The following CYP4F3 variants were observed in gnomAD, a reference collection of about 807,000 sequenced individuals.
CYP4F3 encodes cytochrome P450 4F3.
A neutral mutation model predicts 54.8 loss-of-function variants in CYP4F3; 50 were observed. The observed-to-expected ratio is 0.91, with a 90% CI of 0.73 to 1.16. CYP4F3 has a LOEUF of 1.16. Ranked by LOEUF, CYP4F3 falls within the 50% of genes most tolerant of loss-of-function variation. CYP4F3 has a pLI of 0.00. For synonymous variants in CYP4F3, 244 were observed against 262.6 expected, an observed-to-expected ratio of 0.93 and a Z score of 0.69; for missense variants, 715 against 676.2, an observed-to-expected ratio of 1.06 and a Z score of -0.64.
At chr19:15,642,359 A>C (rs764732639) in intron 2 of CYP4F3, among the ~76,000 whole-genome samples, 2 of 152,190 alleles carry the variant, frequency 1.3e-5, no homozygotes, top group African/African-American at 2.4e-5. Flanking sequence ...AGCCACTGTC[A>C]TGATGGACAG....
In CYP4F3 at chr19:15,641,237, C is replaced by A. The variant is rs373297796; in HGVS notation, c.-1-178C>A. ...CGGGTAACTGGAGGCCACTTGGTTGCTGGTTTTGGCTGGGCCTTTCTGGAC... is the reference window on the plus strand; with the variant it reads ...CGGGTAACTGGAGGCCACTTGGTTGATGGTTTTGGCTGGGCCTTTCTGGAC... On this transcript the variant is annotated intron_variant, in intron 1 of 12. Transcript: ENST00000221307. 4.1e-5 allele frequency: 29 copies of A among 713,808 alleles called. No homozygotes were observed. The East Asian group carries it at 4.1e-4, about 10-fold the overall frequency. The allele number at this position is 713,808 out of a possible 1,614,324, so 44.2% of individuals were successfully genotyped here.
At chr19:15,655,723 G>A (rs193108916) in intron 9 of CYP4F3, among the ~76,000 whole-genome samples, 61 of 152,276 alleles carry the variant, frequency 4.0e-4, no homozygotes, top group Admixed American at 1.4e-3. Context: ...TATTATCTCT[G>A]AGATCTTTTG....
rs1195421429 is a variant in CYP4F3 at position 15,645,803 on chromosome 19, TG to T, written c.285del (p.Trp95CysfsTer34). 2 of 1,614,038 alleles carry T rather than the reference TG, an allele frequency of 1.2e-6. No individual in the cohort carries two copies. Among genetic ancestry groups the T allele is most frequent in the Non-Finnish European group, 1.7e-6 (2 of 1,180,004 alleles). On this transcript the variant is annotated frameshift_variant, in exon 3 of 13. Coordinates refer to ENST00000221307, the MANE Select transcript of CYP4F3 (RefSeq NM_000896.3). LOFTEE classifies it high-confidence loss of function. ...TATGTGCTGCTGGTGGGTGGGGCCC[TG>T]GCACGCAATCGTCCGCATCTTCCAC... The part of the protein sequence containing the change: ...GDMCCWWVGP[W>X]HAIVRIFHPT...
intron 9 of CYP4F3, among the ~76,000 whole-genome samples, chr19:15,656,732 C>CTATCTATA (rs1973033780): frequency 1.3e-5 from 1 of 77,582 alleles, no homozygotes; most frequent in South Asian, 4.2e-4. Flanking sequence ...ATCTATTTAT[C>CTATCTATA]TATCTATCTA....
intron 9 of CYP4F3, among the ~76,000 whole-genome samples, chr19:15,656,085 C>A (rs185355357): frequency 2.2e-3 from 336 of 152,180 alleles, no homozygotes; most frequent in African/African-American, 7.2e-3. Context: ...CCTCCCCCAC[C>A]CCTGGCCTCT....
chr19:15,642,962 G>A (rs1972509325), intron 2 of CYP4F3, among the ~76,000 whole-genome samples: 1 of 151,806 alleles, frequency 6.6e-6, no homozygotes, highest in Non-Finnish European at 1.5e-5. Flanking sequence ...GGATACATTA[G>A]GTGGATAGAT....
At position 15,641,486 on chromosome 19, in the gene CYP4F3, T is replaced by A. The variant is rs1972461044; in HGVS notation, c.71T>A (p.Leu24Gln). 1 of 1,614,226 alleles carries A rather than the reference T, an allele frequency of 6.2e-7. No homozygotes were observed. The highest frequency in any genetic ancestry group is 8.5e-7 in the Non-Finnish European group (1 of 1,180,040). The change falls in exon 2 of 13, where the codon CTG becomes CAG. Residue 24 changes from leucine (L) to glutamine (Q), a missense_variant. By Grantham distance (113) the Leu-to-Gln change is moderately radical (BLOSUM62 -2). Coordinates refer to ENST00000221307, the MANE Select transcript of CYP4F3 (RefSeq NM_000896.3). The stretch of plus-strand genomic sequence containing the variant: ...GCATCCCCGTGGCTGCTCCTGCTGC[T>A]GGTTGGGGCCTCCTGGCTCCTGGCC... ...MAASPWLLLLLVGASWLLARI... is the reference protein window; with the variant it reads ...MAASPWLLLLQVGASWLLARI...
In CYP4F3 at chr19:15,660,406, C is replaced by A. The variant is rs1973155836; in HGVS notation, c.*1021C>A. The A allele has an allele frequency of 6.6e-6, 1 of 152,138 alleles. No individual in the cohort carries two copies. Among genetic ancestry groups the A allele is most frequent in the South Asian group, 2.1e-4 (1 of 4,830 alleles). 9.4% of individuals were successfully genotyped at this position (152,138 alleles called of 1,614,324 possible). ...ACTTTTCTAGAACAGGCATGCCCTGCAAACTCCACAGACACTGACTGTTTT... is the reference window on the plus strand; with the variant it reads ...ACTTTTCTAGAACAGGCATGCCCTGAAAACTCCACAGACACTGACTGTTTT... On this transcript the variant is annotated 3_prime_UTR_variant, in exon 13 of 13. Coordinates refer to ENST00000221307, the MANE Select transcript of CYP4F3 (RefSeq NM_000896.3).
At chr19:15,657,439 GC>G (rs977569090) in intron 9 of CYP4F3, among the ~76,000 whole-genome samples, 3 of 152,058 alleles carry the variant, frequency 2.0e-5, no homozygotes, top group African/African-American at 4.8e-5. Flanking sequence ...GATTACAGGT[GC>G]CCCCCCACCA....
At chr19:15,649,137 GCT>G (rs1406087834) in intron 5 of CYP4F3, 21 bp from the exon 6 acceptor site, 5 of 1,612,654 alleles carry the variant, frequency 3.1e-6, no homozygotes, top group Non-Finnish European at 4.2e-6. Flanking sequence ...ACCTGCCCCA[GCT>G]CTGTCCCCTT....
intron 3 of CYP4F3, 97 bp downstream of exon 3, chr19:15,645,960 A>G: frequency 7.0e-7 from 1 of 1,427,750 alleles, no homozygotes; most frequent in Non-Finnish European, 9.3e-7. Context: ...TCGCGTGCCC[A>G]TGTGCAGACA....
chr19:15,646,991 C>G (rs1404016942), intron 3 of CYP4F3, 61 bp from the exon 4 acceptor site: 30 of 1,604,744 alleles, frequency 1.9e-5, no homozygotes, highest in Admixed American at 6.8e-5. Flanking sequence ...AGCCTCCCCC[C>G]ACCCCCAAAG....
intron 9 of CYP4F3, among the ~76,000 whole-genome samples, chr19:15,657,757 T>C (rs941966346): frequency 3.3e-5 from 5 of 152,198 alleles, no homozygotes; most frequent in African/African-American, 1.2e-4. Flanking sequence ...TTTGCACGTG[T>C]TGATGTTATT....
chr19:15,658,922 C>T (rs1404335049), intron 12 of CYP4F3, 113 bp downstream of exon 12: 29 of 1,410,242 alleles, frequency 2.1e-5, no homozygotes, highest in Non-Finnish European at 2.7e-5. Context: ...CTCTCCTTCC[C>T]TCACCTCCTC....
At position 15,650,072 on chromosome 19, in the gene CYP4F3, C is replaced by T. The variant is rs1281410187; in HGVS notation, c.807C>T (p.Ala269=). The part of the protein sequence containing the change: ...ACRLVHDFTD[A]VIQERRRTLP... ...GCCTGGTGCACGACTTCACAGATGC[C>T]GTCATCCAGGAGCGGCGCCGCACCC... Residue 269 remains alanine (A), a synonymous_variant, in exon 7 of 13, where the codon GCC becomes GCT. Transcript: ENST00000221307. 15 of 1,614,128 alleles carry T rather than the reference C, an allele frequency of 9.3e-6. No individual in the cohort carries two copies. Among genetic ancestry groups the T allele is most frequent in the East Asian group, 4.5e-5 (2 of 44,880 alleles).
At chr19:15,644,954 G>T (rs1284628262) in intron 2 of CYP4F3, among the ~76,000 whole-genome samples, 1 of 152,222 alleles carries the variant, frequency 6.6e-6, no homozygotes, top group Non-Finnish European at 1.5e-5. Context: ...TCTAAGCAAA[G>T]AAAGAGAATC....
intron 10 of CYP4F3, 35 bp from the exon 11 acceptor site, chr19:15,658,456 G>C (rs1258486775): frequency 6.2e-7 from 1 of 1,613,796 alleles, no homozygotes; most frequent in Non-Finnish European, 8.5e-7. Flanking sequence ...CTCAGGCAGG[G>C]AGCATTGTCC....
intron 9 of CYP4F3, among the ~76,000 whole-genome samples, chr19:15,657,096 G>T (rs114639477): frequency 0.012 from 1,774 of 152,184 alleles, 35 homozygotes; most frequent in African/African-American, 0.04. Context: ...CTTCTTTTGT[G>T]TAACTGTATA....
intron 3 of CYP4F3, among the ~76,000 whole-genome samples, chr19:15,646,157 G>C (rs1972619317): frequency 6.6e-6 from 1 of 152,164 alleles, no homozygotes; most frequent in Admixed American, 6.5e-5. Context: ...CCTGAAATAT[G>C]TTATACCCGG....
Sources: gnomAD v4.1 joint callset for allele counts (sites outside exome capture counted in the v4.1 genomes callset) on GRCh38, gnomAD v4.1.1 for gene constraint, MANE v1.5 for transcripts, NCBI Gene and HGNC (gene_info 2026-07-23, HGNC 2026-07-21) for gene names.